The following LCLAT1 variants were observed in gnomAD, a reference collection of about 807,000 sequenced individuals.
The protein encoded by LCLAT1 is lysocardiolipin acyltransferase 1.
LCLAT1 carries 11 observed loss-of-function variants against 30.7 expected under a neutral mutation model. The ratio of observed to expected loss-of-function variants is 0.36; its 90% CI spans 0.23 to 0.59. The LOEUF is 0.59. Ranked by LOEUF, LCLAT1 falls within the 20% of genes least tolerant of loss-of-function variation. The pLI, the probability that LCLAT1 is intolerant of heterozygous loss-of-function variation, is 0.77. For missense variants in LCLAT1, 402 were observed against 458.6 expected (o/e 0.88, Z 1.13); for synonymous variants, 155 against 151.3 (o/e 1.02, Z -0.18).
chr2:30,559,941 T>G (rs528038481), intron 3 of LCLAT1, among the ~76,000 whole-genome samples: 5 of 152,342 alleles, frequency 3.3e-5, no homozygotes, highest in Admixed American at 2.0e-4. Context: ...CTTATTTGTT[T>G]CTCTCATCAA....
chr2:30,598,422 T>G (rs1255859233), intron 5 of LCLAT1, among the ~76,000 whole-genome samples: 2 of 151,710 alleles, frequency 1.3e-5, no homozygotes, highest in African/African-American at 2.4e-5. Context: ...TTCTTTTTTT[T>G]TTTTTTTATT....
At chr2:30,582,241 G>A (rs1026258807) in intron 5 of LCLAT1, among the ~76,000 whole-genome samples, 1 of 134,494 alleles carries the variant, frequency 7.4e-6, no homozygotes, top group South Asian at 2.3e-4. Flanking sequence ...GTGCTAAATT[G>A]TTCAATAAAT....
At chr2:30,635,458 T>G (rs904207905) in intron 5 of LCLAT1, among the ~76,000 whole-genome samples, 6 of 152,142 alleles carry the variant, frequency 3.9e-5, no homozygotes, top group Non-Finnish European at 8.8e-5. Context: ...GTTCCCTTCA[T>G]CACTTTGTCT....
At chr2:30,581,222 A>T (rs1345739901) in intron 5 of LCLAT1, among the ~76,000 whole-genome samples, 1 of 152,146 alleles carries the variant, frequency 6.6e-6, no homozygotes, top group Non-Finnish European at 1.5e-5. Context: ...GTGACTTGAC[A>T]TGCCTCACAG....
intron 5 of LCLAT1, among the ~76,000 whole-genome samples, chr2:30,618,928 A>G (rs535080325): frequency 7.9e-5 from 12 of 152,098 alleles, no homozygotes; most frequent in African/African-American, 2.7e-4. Context: ...TATTGCAGTG[A>G]TTAGAATCTC....
chr2:30,624,223 T>C (rs1446005682), intron 5 of LCLAT1, among the ~76,000 whole-genome samples: 1 of 152,120 alleles, frequency 6.6e-6, no homozygotes, highest in African/African-American at 2.4e-5. Context: ...AAAAAAGGTA[T>C]TCAGGCAACA....
At chr2:30,622,405 T>C (rs1005001004) in intron 5 of LCLAT1, among the ~76,000 whole-genome samples, 4 of 152,082 alleles carry the variant, frequency 2.6e-5, no homozygotes, top group African/African-American at 7.2e-5. Context: ...CAAATACTTA[T>C]CCAGACAGCC....
chr2:30,637,512 A>G (rs576525307), intron 5 of LCLAT1, among the ~76,000 whole-genome samples: 8 of 152,242 alleles, frequency 5.3e-5, no homozygotes, highest in Non-Finnish European at 1.2e-4. Flanking sequence ...CCTTTCTCAA[A>G]TGGTAAATAG....
chr2:30,500,768 T>A, intron 1 of LCLAT1, among the ~76,000 whole-genome samples: 1 of 152,218 alleles, frequency 6.6e-6, no homozygotes, highest in Non-Finnish European at 1.5e-5. Flanking sequence ...ATGACAGATA[T>A]GAAACTAGCC....
At chr2:30,486,312 C>T (rs531312973) in intron 1 of LCLAT1, among the ~76,000 whole-genome samples, 83 of 152,246 alleles carry the variant, frequency 5.5e-4, no homozygotes, top group Non-Finnish European at 8.8e-4. Context: ...GTGTAAGTTA[C>T]AGAAGTTGAA....
At chr2:30,545,299 T>G (rs958508586) in intron 3 of LCLAT1, among the ~76,000 whole-genome samples, 5 of 152,162 alleles carry the variant, frequency 3.3e-5, no homozygotes, top group African/African-American at 1.2e-4. Flanking sequence ...CAGTTTTACC[T>G]TGTTGACAAT....
At chr2:30,459,461 A>C in intron 1 of LCLAT1, 2 of 675,444 alleles carry the variant, frequency 3.0e-6, no homozygotes, top group East Asian at 5.0e-5. Flanking sequence ...TGGGCCCGTA[A>C]TCTGTTTACT....
At chr2:30,528,153 G>T (rs1685811375) in intron 2 of LCLAT1, among the ~76,000 whole-genome samples, 1 of 152,192 alleles carries the variant, frequency 6.6e-6, no homozygotes, top group Admixed American at 6.5e-5. Flanking sequence ...ATAGCAAGTT[G>T]CACATATCAC....
intron 5 of LCLAT1, among the ~76,000 whole-genome samples, chr2:30,602,696 C>T (rs6729634): frequency 9.9e-5 from 15 of 152,052 alleles, no homozygotes; most frequent in Non-Finnish European, 1.9e-4. Context: ...TTAATATCAG[C>T]TTTTATTTTA....
At chr2:30,461,746 GTGGACCA>G (rs1300722961) in intron 1 of LCLAT1, among the ~76,000 whole-genome samples, 2 of 149,506 alleles carry the variant, frequency 1.3e-5, no homozygotes, top group Non-Finnish European at 3.0e-5. Flanking sequence ...TCTGGCTGCT[GTGGACCA>G]CTTTTTCTAA....
intron 1 of LCLAT1, among the ~76,000 whole-genome samples, chr2:30,475,707 G>T (rs865798531): frequency 1.3e-5 from 2 of 152,078 alleles, no homozygotes; most frequent in African/African-American, 2.4e-5. Flanking sequence ...CTTCCTTTTA[G>T]TGATTCTTTC....
At chr2:30,575,910 A>G (rs1665975047) in intron 5 of LCLAT1, among the ~76,000 whole-genome samples, 1 of 152,108 alleles carries the variant, frequency 6.6e-6, no homozygotes, top group Admixed American at 6.6e-5. Flanking sequence ...ATTATATACT[A>G]TTTCTCTAAC....
intron 4 of LCLAT1, among the ~76,000 whole-genome samples, chr2:30,566,324 T>C (rs1359740313): frequency 6.6e-6 from 1 of 152,174 alleles, no homozygotes; most frequent in Non-Finnish European, 1.5e-5. Flanking sequence ...CTCATCTTTG[T>C]GGTGTCTATG....
chr2:30,636,970 T>TGATTGAG (rs1669064407), intron 5 of LCLAT1, among the ~76,000 whole-genome samples: 1 of 152,198 alleles, frequency 6.6e-6, no homozygotes, highest in Non-Finnish European at 1.5e-5. Context: ...GATGAAGACC[T>TGATTGAG]GTAATCCTGA....
Sources: allele counts gnomAD v4.1 joint callset (sites outside exome capture counted in the v4.1 genomes callset), GRCh38; gene constraint gnomAD v4.1.1; transcripts MANE v1.5; gene names NCBI Gene and HGNC (gene_info 2026-07-23, HGNC 2026-07-21).